LRRIQ4: variants seen among roughly 807,000 people sequenced by gnomAD.
LRRIQ4 encodes leucine rich repeats and IQ motif containing 4, also known as leucine-rich repeat and IQ domain-containing protein 4.
In LRRIQ4, 21 loss-of-function variants were observed where a neutral mutation model predicts 40.1. The ratio of observed to expected loss-of-function variants is 0.52; its 90% CI spans 0.37 to 0.75. The LOEUF is 0.75. LRRIQ4 is among the 30% of genes least tolerant of loss of function. The probability of loss-of-function intolerance (pLI) is 0.00; values close to 1 mark genes in which losing one functional copy is unlikely to be tolerated. For missense variants in LRRIQ4, 655 were observed against 660.0 expected (o/e 0.99, Z 0.08); for synonymous variants, 277 against 277.1 (o/e 1.00, Z 0.00).
intron 4 of LRRIQ4, among the ~76,000 whole-genome samples, chr3:169,831,375 G>A (rs1440556556): frequency 1.6e-5 from 2 of 123,998 alleles, no homozygotes; most frequent in African/African-American, 6.2e-5. Flanking sequence ...CCGGGTTCAC[G>A]CTATTCTTCT....
At chr3:169,829,867 G>A (rs1780123221) in intron 3 of LRRIQ4, among the ~76,000 whole-genome samples, 1 of 152,194 alleles carries the variant, frequency 6.6e-6, no homozygotes, top group Non-Finnish European at 1.5e-5. Context: ...GCAATGCCAT[G>A]CACAGCATAG....
At chr3:169,830,384 A>G in intron 3 of LRRIQ4, 108 bp from the exon 4 acceptor site, 2 of 300,602 alleles carry the variant, frequency 6.7e-6, no homozygotes, top group Non-Finnish European at 5.0e-6. Context: ...AGTGAAAAAA[A>G]AAAAAAAAAA....
chr3:169,825,275 G>T (rs926145442), intron 2 of LRRIQ4, among the ~76,000 whole-genome samples: 7 of 152,016 alleles, frequency 4.6e-5, no homozygotes, highest in African/African-American at 1.7e-4. Context: ...CAAAGTGCTG[G>T]GATTACAGGC....
intron 1 of LRRIQ4, among the ~76,000 whole-genome samples, chr3:169,815,162 T>C: frequency 6.6e-6 from 1 of 152,218 alleles, no homozygotes; most frequent in East Asian, 1.9e-4. Flanking sequence ...TTTTTTCTAT[T>C]TCTGTGAAGA....
At chr3:169,825,279 T>TC (rs1780017713) in intron 2 of LRRIQ4, among the ~76,000 whole-genome samples, 1 of 152,226 alleles carries the variant, frequency 6.6e-6, no homozygotes, top group Non-Finnish European at 1.5e-5. Context: ...GTGCTGGGAT[T>TC]ACAGGCGTGA....
intron 2 of LRRIQ4, among the ~76,000 whole-genome samples, chr3:169,827,130 G>A (rs972059247): frequency 2.5e-4 from 38 of 152,236 alleles, no homozygotes; most frequent in African/African-American, 9.1e-4. Flanking sequence ...GGGAATGGAT[G>A]GGAAGAATGC....
intron 5 of LRRIQ4, among the ~76,000 whole-genome samples, chr3:169,837,108 G>C: frequency 6.6e-6 from 1 of 152,162 alleles, no homozygotes; most frequent in East Asian, 1.9e-4. Context: ...TAGGCACTCA[G>C]ATCCCCTCAC....
At chr3:169,835,364 C>CTTTGTGTGTG (rs56344833) in intron 5 of LRRIQ4, among the ~76,000 whole-genome samples, 3,521 of 146,414 alleles carry the variant, frequency 0.024, 78 homozygotes, top group Admixed American at 0.051. Context: ...TTGTCTTTTT[C>CTTTGTGTGTG]TGTGTGTGTG....
intron 2 of LRRIQ4, among the ~76,000 whole-genome samples, chr3:169,823,919 A>G (rs190172387): frequency 6.6e-6 from 1 of 152,362 alleles, no homozygotes; most frequent in Admixed American, 6.5e-5. Context: ...AAACGAAGTT[A>G]TATAGTAATT....
In LRRIQ4 at chr3:169,822,556, G is replaced by A; in HGVS notation, c.635G>A (p.Gly212Glu). 6.2e-7 allele frequency: 1 copy of A among 1,613,920 alleles called. No individual in the cohort carries two copies. Among genetic ancestry groups the A allele is most frequent in the South Asian group, 1.1e-5 (1 of 91,068 alleles). Residue 212 changes from glycine (G) to glutamate (E), a missense_variant, in exon 2 of 6, where the codon GGG becomes GAG. Coordinates refer to ENST00000340806, the MANE Select transcript of LRRIQ4 (RefSeq NM_001080460.3). Reference protein sequence around the residue: ...AIPEEIGHLTGLQKFYMASNN... With the variant: ...AIPEEIGHLTELQKFYMASNN... ...CCAGAAGAGATCGGACACCTGACGG[G>A]GCTGCAGAAGTTCTATATGGCTTCT...
chr3:169,837,754 G>A lies in LRRIQ4; in HGVS notation c.*123G>A, dbSNP rs1015754686. The A allele has an allele frequency of 1.3e-6, 1 of 782,866 alleles. No individual in the cohort carries two copies. The highest frequency in any genetic ancestry group is 1.9e-6 in the Non-Finnish European group (1 of 520,412). 48.5% of individuals were successfully genotyped at this position (782,866 alleles called of 1,614,324 possible). On this transcript the variant is annotated 3_prime_UTR_variant, in exon 6 of 6. Transcript: ENST00000340806. Reference sequence around the variant, plus strand: ...ATTACACTTATGTGTAAAAATAAATGATTCTTACTTTTACTGAAATATTTA... The same window carrying A: ...ATTACACTTATGTGTAAAAATAAATAATTCTTACTTTTACTGAAATATTTA...
intron 1 of LRRIQ4, among the ~76,000 whole-genome samples, chr3:169,820,360 A>G (rs546612469): frequency 1.1e-4 from 17 of 151,786 alleles, no homozygotes; most frequent in African/African-American, 3.1e-4. Context: ...TAAGCCTAGT[A>G]GTGTAAGTCT....
At chr3:169,816,035 T>G (rs557972147) in intron 1 of LRRIQ4, among the ~76,000 whole-genome samples, 1 of 152,332 alleles carries the variant, frequency 6.6e-6, no homozygotes, top group South Asian at 2.1e-4. Flanking sequence ...TTGAATTCAG[T>G]TTGCTAGCAT....
chr3:169,829,249 A>G (rs1264789999), intron 3 of LRRIQ4, among the ~76,000 whole-genome samples: 1 of 152,162 alleles, frequency 6.6e-6, no homozygotes, highest in Non-Finnish European at 1.5e-5. Flanking sequence ...GCCCCCTGAA[A>G]ACTGGACTAT....
At chr3:169,823,750 G>GA (rs1371759207) in intron 2 of LRRIQ4, among the ~76,000 whole-genome samples, 1 of 152,160 alleles carries the variant, frequency 6.6e-6, no homozygotes, top group African/African-American at 2.4e-5. Context: ...CCATCCATAG[G>GA]AAACTGCAAA....
rs1779912023 is a variant in LRRIQ4 at position 169,822,209 on chromosome 3, G to A, written c.288G>A (p.Leu96=). ...LCPALGLLSS[L]ESLDLSYNPI... ...CGGCGCTGGGGCTGCTGAGCAGCCT[G>A]GAGAGCCTGGACCTGAGCTACAACC... Residue 96 remains leucine, a synonymous_variant, in exon 2 of 6, where the codon CTG becomes CTA. Coordinates refer to ENST00000340806, the MANE Select transcript of LRRIQ4 (RefSeq NM_001080460.3). 7 of 1,601,382 alleles carry A rather than the reference G, an allele frequency of 4.4e-6. No homozygotes were observed. Among genetic ancestry groups the A allele is most frequent in the Non-Finnish European group, 5.1e-6 (6 of 1,176,182 alleles).
chr3:169,825,302 G>A (rs145838691), intron 2 of LRRIQ4, among the ~76,000 whole-genome samples: 12 of 152,226 alleles, frequency 7.9e-5, no homozygotes, highest in East Asian at 3.9e-4. Context: ...CACTGTGCCC[G>A]GCTGCTAAAA....
At chr3:169,835,310 G>T (rs915875082) in intron 5 of LRRIQ4, among the ~76,000 whole-genome samples, 1 of 151,742 alleles carries the variant, frequency 6.6e-6, no homozygotes, top group Non-Finnish European at 1.5e-5. Flanking sequence ...TGGTTAACCA[G>T]TCCCTAGAGT....
At chr3:169,830,407 A>C in intron 3 of LRRIQ4, 85 bp from the exon 4 acceptor site, 1 of 565,074 alleles carries the variant, frequency 1.8e-6, no homozygotes, top group Non-Finnish European at 2.5e-6. Context: ...AAAAAAAAAA[A>C]AATGCATGAG....
Sources: gnomAD v4.1 joint callset for allele counts (sites outside exome capture counted in the v4.1 genomes callset) on GRCh38, gnomAD v4.1.1 for gene constraint, MANE v1.5 for transcripts, NCBI Gene and HGNC (gene_info 2026-07-23, HGNC 2026-07-21) for gene names.